The following GRIN2A variants were observed in gnomAD, a reference collection of about 807,000 sequenced individuals.
GRIN2A encodes glutamate ionotropic receptor NMDA type subunit 2A.
In GRIN2A, 22 loss-of-function variants were observed where a neutral mutation model predicts 113.4. The ratio of observed to expected loss-of-function variants is 0.19; its 90% CI spans 0.14 to 0.28. The LOEUF is 0.28. Ranked by LOEUF, GRIN2A falls within the 10% of genes least tolerant of loss-of-function variation. The pLI is 1.00. For missense variants in GRIN2A, 1,502 were observed against 1,887.0 expected (o/e 0.80, Z 3.78); for synonymous variants, 827 against 738.4 (o/e 1.12, Z -1.94).
At chr16:9,788,199 A>AC (rs1902352803) in intron 11 of GRIN2A, among the ~76,000 whole-genome samples, 1 of 148,862 alleles carries the variant, frequency 6.7e-6, no homozygotes, top group Admixed American at 6.7e-5. Context: ...CTCTCCCTTT[A>AC]CTCCTCCCTT....
At position 9,937,977 on chromosome 16, in the gene GRIN2A, G is replaced by T. The variant is rs367543120; in HGVS notation, c.989C>A (p.Pro330Gln). 1 of 1,613,484 alleles carries T rather than the reference G, an allele frequency of 6.2e-7. No individual in the cohort carries two copies. Among genetic ancestry groups the T allele is most frequent in the Admixed American group, 1.7e-5 (1 of 60,018 alleles). ...CYGQMERPEV[P>Q]MHTLHPFMVN... ...TTCTTACGGGTGCAAGGTGTGCATC[G>T]GGACCTCTGGCCTCTCCATCTGCCC... is the stretch of plus-strand genomic sequence containing the variant. The change falls in exon 3 of 13, where the codon CCG becomes CAG. Residue 330 changes from proline (P) to glutamine (Q), a missense_variant. This residue lies in a region of GRIN2A where 334 missense variants were observed against 403.0 expected (regional missense o/e 0.83). Coordinates refer to ENST00000330684, the MANE Select transcript of GRIN2A (RefSeq NM_001134407.3).
At chr16:10,127,706 T>C (rs928693995) in intron 2 of GRIN2A, among the ~76,000 whole-genome samples, 3 of 152,294 alleles carry the variant, frequency 2.0e-5, no homozygotes, top group African/African-American at 7.2e-5. Context: ...ATTTGTGGAA[T>C]TGATGGATGA....
chr16:10,110,350 C>G (rs547562459), intron 2 of GRIN2A, among the ~76,000 whole-genome samples: 1 of 152,212 alleles, frequency 6.6e-6, no homozygotes, highest in Non-Finnish European at 1.5e-5. Flanking sequence ...AGGACCTCAT[C>G]AAGGTAAATA....
At chr16:10,148,571 C>T (rs1015229303) in intron 2 of GRIN2A, among the ~76,000 whole-genome samples, 35 of 152,180 alleles carry the variant, frequency 2.3e-4, no homozygotes, top group African/African-American at 8.2e-4. Context: ...GATTTGCTGA[C>T]ATGGCCAGAG....
At chr16:9,911,957 A>G (rs1011805917) in intron 3 of GRIN2A, among the ~76,000 whole-genome samples, 2 of 152,208 alleles carry the variant, frequency 1.3e-5, no homozygotes, top group African/African-American at 4.8e-5. Context: ...TTCACTCTGC[A>G]TCTTAGTTTT....
chr16:10,039,801 AGGGGG>A (rs761949844), intron 2 of GRIN2A, among the ~76,000 whole-genome samples: 3 of 12,746 alleles, frequency 2.4e-4, no homozygotes, highest in African/African-American at 7.4e-4. Context: ...GGGGAGGGGG[AGGGGG>A]GGGAGAAAGA....
At chr16:10,023,219 A>G (rs1307248253) in intron 2 of GRIN2A, among the ~76,000 whole-genome samples, 2 of 152,226 alleles carry the variant, frequency 1.3e-5, no homozygotes, top group African/African-American at 4.8e-5. Context: ...CCCAATGTTC[A>G]GCTGCATTCC....
chr16:10,113,123 G>T (rs1358274996), intron 2 of GRIN2A, among the ~76,000 whole-genome samples: 2 of 152,032 alleles, frequency 1.3e-5, no homozygotes, highest in Non-Finnish European at 2.9e-5. Flanking sequence ...CAGCCAGCCA[G>T]GCTCTCAGGC....
chr16:9,903,365 C>T (rs1376120898), intron 3 of GRIN2A, among the ~76,000 whole-genome samples: 1 of 152,142 alleles, frequency 6.6e-6, no homozygotes, highest in African/African-American at 2.4e-5. Context: ...CATTTGGTCC[C>T]ACCAGGAGCA....
rs35044218 is a variant in GRIN2A at position 9,832,086 on chromosome 16, TTTTATTTATTTA to T, written c.1777+2007_1777+2018del. ...GGCACGCATCATCACGCCAGGCTTATTTTATTTATTTATTTATTTATTTATTTATTTATTTAT... is the reference window on the plus strand; with the variant it reads ...GGCACGCATCATCACGCCAGGCTTATTTTATTTATTTATTTATTTATTTAT... On this transcript the variant is annotated intron_variant, in intron 8 of 12. Transcript: ENST00000330684. 8.8e-3 allele frequency among the ~76,000 whole-genome samples: 1,188 copies of T among 135,646 alleles called. 9 individuals are homozygous for T. The highest frequency in any genetic ancestry group is 0.013 in the South Asian group (53 of 4,020). 89.0% of individuals were successfully genotyped at this position (135,646 alleles called of 152,430 possible).
At chr16:9,797,980 C>G (rs1428465459) in intron 11 of GRIN2A, among the ~76,000 whole-genome samples, 2 of 152,184 alleles carry the variant, frequency 1.3e-5, no homozygotes, top group Non-Finnish European at 2.9e-5. Flanking sequence ...TAAATTCCCA[C>G]TTAAGGCACC....
intron 2 of GRIN2A, among the ~76,000 whole-genome samples, chr16:10,158,906 G>A (rs2049756755): frequency 6.6e-6 from 1 of 152,162 alleles, no homozygotes; most frequent in African/African-American, 2.4e-5. Flanking sequence ...TGTTTAGAAT[G>A]GCAGATTCTA....
chr16:9,838,598 G>C (rs913449327), intron 7 of GRIN2A, among the ~76,000 whole-genome samples: 1 of 152,152 alleles, frequency 6.6e-6, no homozygotes, highest in African/African-American at 2.4e-5. Context: ...GTATGTAGAT[G>C]CTGAATAAAG....
intron 2 of GRIN2A, among the ~76,000 whole-genome samples, chr16:10,124,844 T>C (rs2048901509): frequency 6.6e-6 from 1 of 152,066 alleles, no homozygotes; most frequent in Non-Finnish European, 1.5e-5. Context: ...AGGGCTCCTA[T>C]GGAAAAGGTT....
chr16:10,157,965 G>A (rs1372320893), intron 2 of GRIN2A, among the ~76,000 whole-genome samples: 2 of 151,898 alleles, frequency 1.3e-5, no homozygotes, highest in Admixed American at 1.3e-4. Flanking sequence ...TATTGGCAGT[G>A]ATATACCATT....
intron 3 of GRIN2A, among the ~76,000 whole-genome samples, chr16:9,922,685 G>A (rs73502673): frequency 6.6e-6 from 1 of 152,182 alleles, no homozygotes; most frequent in South Asian, 2.1e-4. Flanking sequence ...GTTTCCCAAA[G>A]AGGCTTGGAT....
At chr16:10,094,253 A>G (rs1271679995) in intron 2 of GRIN2A, among the ~76,000 whole-genome samples, 2 of 152,168 alleles carry the variant, frequency 1.3e-5, no homozygotes, top group African/African-American at 4.8e-5. Flanking sequence ...GGAGGCTGTA[A>G]TTTTTAAAAA....
At chr16:10,028,886 A>T (rs1183346242) in intron 2 of GRIN2A, among the ~76,000 whole-genome samples, 1 of 152,202 alleles carries the variant, frequency 6.6e-6, no homozygotes, top group Non-Finnish European at 1.5e-5. Flanking sequence ...CAAGGGCCCA[A>T]ATTGGGCTGG....
chr16:9,795,877 A>G (rs938988433), intron 11 of GRIN2A, among the ~76,000 whole-genome samples: 5 of 152,204 alleles, frequency 3.3e-5, no homozygotes, highest in Admixed American at 6.5e-5. Flanking sequence ...GAGTTTAGTC[A>G]TCTTTGATAG....
Sources: gnomAD v4.1 joint callset for allele counts (sites outside exome capture counted in the v4.1 genomes callset) on GRCh38, gnomAD v4.1.1 for gene constraint, gnomAD v4.1.1 regional missense constraint, MANE v1.5 for transcripts, NCBI Gene and HGNC (gene_info 2026-07-23, HGNC 2026-07-21) for gene names.